Variants in ASPH observed in about 807,000 individuals in gnomAD.
ASPH encodes aspartyl/asparaginyl beta-hydroxylase.
Under a neutral mutation model 118.4 loss-of-function variants are expected in ASPH, and 100 were observed. The ratio of observed to expected loss-of-function variants is 0.84; its 90% CI spans 0.72 to 1.00. The LOEUF is 1.00. ASPH is among the 50% of genes least tolerant of loss of function. The probability of loss-of-function intolerance (pLI) is 0.00; values close to 1 mark genes in which losing one functional copy is unlikely to be tolerated. For missense variants in ASPH, 920 were observed against 919.5 expected (o/e 1.00, Z -0.01); for synonymous variants, 315 against 325.6 (o/e 0.97, Z 0.35).
At chr8:61,662,490 CA>C (rs1445838084) in intron 3 of ASPH, among the ~76,000 whole-genome samples, 2 of 152,084 alleles carry the variant, frequency 1.3e-5, no homozygotes, top group Admixed American at 1.3e-4. Flanking sequence ...CAATATGAAG[CA>C]AACAATACAG....
At chr8:61,528,815 C>T (rs1448954778) in intron 21 of ASPH, among the ~76,000 whole-genome samples, 1 of 152,122 alleles carries the variant, frequency 6.6e-6, no homozygotes, top group African/African-American at 2.4e-5. Flanking sequence ...TTTGGCTTTT[C>T]CTTGTTATAT....
rs185523507 is a variant in ASPH at position 61,531,320 on chromosome 8, T to C, written c.1765-5208A>G. ...TCAGTTACTGTCTGAATTTGCTAGATGATGATGGCCATGGAACTCCCCTTG... is the reference window on the plus strand; with the variant it reads ...TCAGTTACTGTCTGAATTTGCTAGACGATGATGGCCATGGAACTCCCCTTG... On this transcript the variant is annotated intron_variant, in intron 21 of 24. Transcript: ENST00000379454. Among the ~76,000 whole-genome samples the C allele has an allele frequency of 6.1e-4, 93 of 152,300 alleles. 1 individual carries two copies. In the Middle Eastern group the frequency reaches 0.027, roughly 45 times the overall value.
chr8:61,611,167 T>G (rs1847219477), intron 14 of ASPH, among the ~76,000 whole-genome samples: 1 of 152,166 alleles, frequency 6.6e-6, no homozygotes, highest in African/African-American at 2.4e-5. Context: ...GGCGATGGAT[T>G]AGCTATAATG....
At chr8:61,639,382 G>C (rs1265336987) in intron 10 of ASPH, among the ~76,000 whole-genome samples, 3 of 151,912 alleles carry the variant, frequency 2.0e-5, no homozygotes, top group Non-Finnish European at 2.9e-5. Context: ...GGCTCCTGCT[G>C]AGACCCCCTC....
chr8:61,588,384 T>G (rs752727674), intron 14 of ASPH, among the ~76,000 whole-genome samples: 11 of 152,236 alleles, frequency 7.2e-5, no homozygotes, highest in Non-Finnish European at 1.0e-4. Flanking sequence ...TTGTAGATTA[T>G]AAAAATTACG....
chr8:61,553,477 T>C (rs1826733490), intron 19 of ASPH, among the ~76,000 whole-genome samples: 1 of 152,224 alleles, frequency 6.6e-6, no homozygotes, highest in Admixed American at 6.5e-5. Flanking sequence ...TCTGACCATA[T>C]GTCATCTAGA....
At chr8:61,650,435 G>A (rs1810374345) in intron 5 of ASPH, among the ~76,000 whole-genome samples, 1 of 152,160 alleles carries the variant, frequency 6.6e-6, no homozygotes, top group South Asian at 2.1e-4. Context: ...ATCCCTTCAT[G>A]AGATACGTTT....
intron 21 of ASPH, among the ~76,000 whole-genome samples, chr8:61,541,846 A>T (rs1822089238): frequency 6.6e-6 from 1 of 152,238 alleles, no homozygotes; most frequent in East Asian, 1.9e-4. Flanking sequence ...GCAGAGTTTA[A>T]GACAGGCAGG....
chr8:61,539,699 G>GGTGTGTGTGTGTGTGT (rs10522481), intron 21 of ASPH, among the ~76,000 whole-genome samples: 8,687 of 123,902 alleles, frequency 0.07, 563 homozygotes, highest in Non-Finnish European at 0.096. Context: ...ACACTTCTGG[G>GGTGTGTGTGTGTGTGT]GTGTGTGTGT....
chr8:61,616,337 C>CA (rs897912865), intron 14 of ASPH, among the ~76,000 whole-genome samples: 1 of 152,126 alleles, frequency 6.6e-6, no homozygotes, highest in Non-Finnish European at 1.5e-5. Flanking sequence ...GCATGAGAGG[C>CA]AGAGATATGA....
At chr8:61,522,968 G>A (rs1459699935) in intron 22 of ASPH, among the ~76,000 whole-genome samples, 4 of 152,064 alleles carry the variant, frequency 2.6e-5, no homozygotes, top group African/African-American at 9.7e-5. Flanking sequence ...TATGAATTTT[G>A]CGGGGTACAC....
intron 21 of ASPH, among the ~76,000 whole-genome samples, chr8:61,543,356 T>C (rs926761164): frequency 2.0e-5 from 3 of 152,184 alleles, no homozygotes; most frequent in African/African-American, 7.2e-5. Flanking sequence ...ATTTCCAAAT[T>C]TGTTGATTAT....
At chr8:61,689,743 A>G in intron 1 of ASPH, 2 of 1,543,970 alleles carry the variant, frequency 1.3e-6, no homozygotes, top group Admixed American at 2.1e-5. Flanking sequence ...AAACAAAAAA[A>G]AAAACTCAAA....
At chr8:61,621,878 A>G (rs1358690799) in intron 13 of ASPH, among the ~76,000 whole-genome samples, 1 of 152,262 alleles carries the variant, frequency 6.6e-6, no homozygotes, top group African/African-American at 2.4e-5. Flanking sequence ...GTCTTTAAAT[A>G]TTCGTATTCA....
At chr8:61,542,715 G>A (rs1403257976) in intron 21 of ASPH, among the ~76,000 whole-genome samples, 1 of 151,724 alleles carries the variant, frequency 6.6e-6, no homozygotes, top group African/African-American at 2.4e-5. Context: ...ATGTGGATTT[G>A]TATTACCATC....
chr8:61,506,596 A>C (rs1806676158), intron 24 of ASPH, among the ~76,000 whole-genome samples: 1 of 152,162 alleles, frequency 6.6e-6, no homozygotes, highest in African/African-American at 2.4e-5. Flanking sequence ...TTTGAGGGGA[A>C]TCCTCTTGAC....
chr8:61,596,246 T>A (rs1257061444), intron 14 of ASPH, among the ~76,000 whole-genome samples: 2 of 152,168 alleles, frequency 1.3e-5, no homozygotes, highest in Non-Finnish European at 2.9e-5. Flanking sequence ...GGCCTGAGGA[T>A]GGGCCCAGCC....
At chr8:61,583,719 G>T (rs1015611186) in intron 15 of ASPH, among the ~76,000 whole-genome samples, 1 of 152,088 alleles carries the variant, frequency 6.6e-6, no homozygotes, top group Non-Finnish European at 1.5e-5. Context: ...GCTGACACCC[G>T]CATCGGCTGG....
At chr8:61,569,362 A>C (rs974116105) in intron 16 of ASPH, among the ~76,000 whole-genome samples, 3 of 151,564 alleles carry the variant, frequency 2.0e-5, no homozygotes, top group African/African-American at 7.3e-5. Context: ...AGTAGCATAT[A>C]TTTTTTTTTC....
Sources: gnomAD v4.1 joint callset for allele counts (sites outside exome capture counted in the v4.1 genomes callset) on GRCh38, gnomAD v4.1.1 for gene constraint, MANE v1.5 for transcripts, NCBI Gene and HGNC (gene_info 2026-07-23, HGNC 2026-07-21) for gene names.